ADAM22: variants seen among roughly 807,000 people sequenced by gnomAD.
ADAM22 encodes ADAM metallopeptidase domain 22.
A neutral mutation model predicts 144.6 loss-of-function variants in ADAM22; 65 were observed. That is an observed-to-expected ratio of 0.45 (90% CI 0.37 to 0.55). ADAM22 has a LOEUF of 0.55. Ranked by LOEUF, ADAM22 falls within the 20% of genes least tolerant of loss-of-function variation. ADAM22 has a pLI of 0.00. For missense variants in ADAM22, 974 were observed against 1,184.9 expected (o/e 0.82, Z 2.61); for synonymous variants, 391 against 412.6 (o/e 0.95, Z 0.63).
chr7:88,168,034 A>T (rs1843331468), intron 24 of ADAM22, 103 bp from the exon 25 acceptor site: 1 of 883,814 alleles, frequency 1.1e-6, no homozygotes, highest in African/African-American at 1.7e-5. Context: ...TCATTTTTGA[A>T]AACAAACAGT....
intron 6 of ADAM22, 38 bp downstream of exon 6, chr7:88,114,685 G>A (rs1827302442): frequency 6.3e-7 from 1 of 1,592,296 alleles, no homozygotes; most frequent in Admixed American, 1.7e-5. Flanking sequence ...AAATGGAAAT[G>A]TTTATGCTGA....
Position 88,136,047 on chromosome 7 carries a change from T to G in ADAM22, c.1220+16T>G, listed in dbSNP as rs769961484. ...GAGACACTGGGTGAGCCACTTGTAT[T>G]TGAAAATAACTCAGTCTTACATTCC... is the stretch of plus-strand genomic sequence containing the variant. On this transcript the variant is annotated intron_variant, in intron 14 of 31. Transcript: ENST00000413139. 2.5e-6 allele frequency: 4 copies of G among 1,610,626 alleles called. No individual in the cohort carries two copies. The highest frequency in any genetic ancestry group is 2.5e-6 in the Non-Finnish European group (3 of 1,178,024).
intron 5 of ADAM22, among the ~76,000 whole-genome samples, chr7:88,113,703 A>AATGTGTGTATATATAT (rs1554478727): frequency 4.2e-5 from 2 of 48,106 alleles, no homozygotes; most frequent in East Asian, 1.4e-3. Context: ...TAAATAAATA[A>AATGTGTGTATATATAT]ATATATATAT....
chr7:87,976,604 G>A (rs889759402), intron 2 of ADAM22, among the ~76,000 whole-genome samples: 1 of 152,186 alleles, frequency 6.6e-6, no homozygotes. Context: ...ACTATAGGTG[G>A]AACTTGATCT....
intron 3 of ADAM22, among the ~76,000 whole-genome samples, chr7:88,037,534 A>G (rs1801805746): frequency 6.6e-6 from 1 of 152,006 alleles, no homozygotes; most frequent in African/African-American, 2.4e-5. Context: ...CCTGCTGTCC[A>G]ATTTCCCATA....
intron 2 of ADAM22, among the ~76,000 whole-genome samples, chr7:87,954,942 C>T (rs945089178): frequency 4.6e-5 from 7 of 152,182 alleles, no homozygotes; most frequent in Non-Finnish European, 2.9e-5. Flanking sequence ...CCTGAGGCTT[C>T]TGCATTCTTC....
chr7:88,150,153 T>C (rs1837895348), intron 18 of ADAM22, among the ~76,000 whole-genome samples: 1 of 152,188 alleles, frequency 6.6e-6, no homozygotes, highest in African/African-American at 2.4e-5. Flanking sequence ...TGGTTGCATG[T>C]CTAGAGGCTC....
At chr7:88,193,906 G>A (rs898353001) in intron 31 of ADAM22, among the ~76,000 whole-genome samples, 1 of 152,206 alleles carries the variant, frequency 6.6e-6, no homozygotes, top group Non-Finnish European at 1.5e-5. Context: ...CTCAGAGTCA[G>A]TAAGAAGGCA....
intron 2 of ADAM22, among the ~76,000 whole-genome samples, chr7:87,946,077 C>T (rs1416312551): frequency 6.6e-6 from 1 of 151,960 alleles, no homozygotes; most frequent in African/African-American, 2.4e-5. Context: ...GCCATTCTGA[C>T]TGATGTGAGA....
chr7:88,076,285 G>T (rs567611163), intron 4 of ADAM22, among the ~76,000 whole-genome samples: 1 of 152,188 alleles, frequency 6.6e-6, no homozygotes, highest in South Asian at 2.1e-4. Flanking sequence ...TGATCCACCC[G>T]CTCCGGCCTC....
At chr7:88,141,081 C>T (rs552062198) in intron 14 of ADAM22, among the ~76,000 whole-genome samples, 1 of 152,268 alleles carries the variant, frequency 6.6e-6, no homozygotes, top group South Asian at 2.1e-4. Flanking sequence ...TATGGTTCCT[C>T]CCGTGGTGGA....
chr7:88,169,358 G>A (rs1843695840), intron 25 of ADAM22, among the ~76,000 whole-genome samples: 1 of 152,060 alleles, frequency 6.6e-6, no homozygotes, highest in African/African-American at 2.4e-5. Context: ...CAGCACAGTA[G>A]TAAGCTTTTC....
intron 14 of ADAM22, 86 bp downstream of exon 14, chr7:88,136,117 A>G: frequency 8.4e-7 from 1 of 1,191,812 alleles, no homozygotes; most frequent in East Asian, 2.5e-5. Context: ...TCAATAACTT[A>G]GTGCATGGAA....
intron 4 of ADAM22, among the ~76,000 whole-genome samples, chr7:88,095,223 T>A (rs1820932856): frequency 6.6e-6 from 1 of 152,176 alleles, no homozygotes; most frequent in African/African-American, 2.4e-5. Context: ...TATAAGACAA[T>A]TTTCTGTGCC....
rs773827238 is a variant in ADAM22 at position 88,196,596 on chromosome 7, G to A, written c.*105G>A. 3 of 1,278,834 alleles carry A rather than the reference G, an allele frequency of 2.3e-6. No individual in the cohort carries two copies. The highest frequency in any genetic ancestry group is 3.4e-6 in the Non-Finnish European group (3 of 882,218). The allele number at this position is 1,278,834 out of a possible 1,614,324, so 79.2% of individuals were successfully genotyped here. A position where few individuals can be genotyped will look rare whatever the true frequency, so the allele number is the denominator to read the frequency against. Reference sequence around the variant, plus strand: ...AATCTATCTGCTCTTCAGACAATACGAAGACCCTCTGAGATGCTACAGAGG... The same window carrying A: ...AATCTATCTGCTCTTCAGACAATACAAAGACCCTCTGAGATGCTACAGAGG... On this transcript the variant is annotated 3_prime_UTR_variant, in exon 32 of 32. Transcript: ENST00000413139.
chr7:88,181,897 A>T, intron 28 of ADAM22, 61 bp from the exon 29 acceptor site: 1 of 1,466,332 alleles, frequency 6.8e-7, no homozygotes, highest in Non-Finnish European at 9.5e-7. Flanking sequence ...AATGCCTCGT[A>T]ATTAGACATA....
At chr7:88,019,683 A>G (rs983498972) in intron 3 of ADAM22, among the ~76,000 whole-genome samples, 2 of 151,928 alleles carry the variant, frequency 1.3e-5, no homozygotes, top group Non-Finnish European at 2.9e-5. Context: ...CCCTGTGTCT[A>G]CTTAAAAATT....
chr7:88,022,412 A>G (rs1439247474), intron 3 of ADAM22, among the ~76,000 whole-genome samples: 1 of 152,208 alleles, frequency 6.6e-6, no homozygotes, highest in Non-Finnish European at 1.5e-5. Flanking sequence ...CTTATCATAT[A>G]AAACAGTGAG....
In ADAM22 at chr7:88,046,243, T is replaced by C. The variant is rs1427579112; in HGVS notation, c.324-29383T>C. 2.0e-5 allele frequency among the ~76,000 whole-genome samples: 3 copies of C among 152,330 alleles called. No individual in the cohort carries two copies. In the East Asian group the frequency reaches 5.8e-4, roughly 29 times the overall value. ...ACCAGCCCTTGCTATCTTTTTGTTA[T>C]TTTTTGATAAAAGCCATTCTTACTT... On this transcript the variant is annotated intron_variant, in intron 3 of 31. Transcript: ENST00000413139.
Sources: allele counts gnomAD v4.1 joint callset (sites outside exome capture counted in the v4.1 genomes callset), GRCh38; gene constraint gnomAD v4.1.1; transcripts MANE v1.5; gene names NCBI Gene and HGNC (gene_info 2026-07-23, HGNC 2026-07-21).